The following RFX3 variants were observed in gnomAD, a reference collection of about 807,000 sequenced individuals.
RFX3 encodes transcription factor RFX3.
RFX3 carries 14 observed loss-of-function variants against 98.6 expected under a neutral mutation model. That is an observed-to-expected ratio of 0.14 (90% confidence interval 0.09 to 0.22). The LOEUF (loss-of-function observed/expected upper bound fraction) is 0.22. RFX3 is among the 10% of genes least tolerant of loss of function. RFX3 has a pLI of 1.00. For missense variants in RFX3, 639 were observed against 926.9 expected (o/e 0.69, Z 4.03); for synonymous variants, 383 against 328.4 (o/e 1.17, Z -1.80).
chr9:3,251,410 C>A (rs1324611797), intron 14 of RFX3, among the ~76,000 whole-genome samples: 1 of 151,614 alleles, frequency 6.6e-6, no homozygotes, highest in African/African-American at 2.4e-5. Flanking sequence ...TGTGGTGATG[C>A]CATTATAGTT....
At chr9:3,270,074 G>C (rs1268487064) in intron 11 of RFX3, among the ~76,000 whole-genome samples, 2 of 51,822 alleles carry the variant, frequency 3.9e-5, no homozygotes, top group Non-Finnish European at 9.5e-5. Flanking sequence ...GAAAGAAAGA[G>C]AAAGAAGGAA....
chr9:3,342,902 AAAAT>A (rs1401868497), intron 3 of RFX3, among the ~76,000 whole-genome samples: 5 of 152,240 alleles, frequency 3.3e-5, no homozygotes, highest in Admixed American at 2.0e-4. Flanking sequence ...AAGCAAGGAT[AAAAT>A]AAACAGGGGC....
At chr9:3,470,608 G>T (rs908058723) in intron 1 of RFX3, among the ~76,000 whole-genome samples, 2 of 151,976 alleles carry the variant, frequency 1.3e-5, no homozygotes, top group African/African-American at 4.8e-5. Context: ...ATTACAGGCA[G>T]TGAGCCACCG....
chr9:3,501,964 A>C (rs10814185), intron 1 of RFX3, among the ~76,000 whole-genome samples: 1 of 151,892 alleles, frequency 6.6e-6, no homozygotes, highest in Non-Finnish European at 1.5e-5. Flanking sequence ...ATCAAAAATC[A>C]CTTTCGGCCA....
At chr9:3,409,082 T>C (rs2132137396) in intron 1 of RFX3, among the ~76,000 whole-genome samples, 1 of 152,358 alleles carries the variant, frequency 6.6e-6, no homozygotes, top group Non-Finnish European at 1.5e-5. Context: ...TGAAAGTAAA[T>C]ACTGTTGTAA....
intron 10 of RFX3, 154 bp from the exon 11 acceptor site, chr9:3,270,679 GAGAC>G (rs1292979459): frequency 4.0e-6 from 3 of 752,930 alleles, no homozygotes; most frequent in African/African-American, 3.5e-5. Context: ...TATACCGAGA[GAGAC>G]AGACAGATAT....
Position 3,398,724 on chromosome 9 carries a change from A to G in RFX3, c.-8-3128T>C, listed in dbSNP as rs531607360. On this transcript the variant is annotated intron_variant, in intron 1 of 16. Transcript: ENST00000617270. ...GTTCCAGAGTCTAACTTGTTTGCAC[A>G]TACATTGTATTACAGACTACTCTAC... 2.0e-5 allele frequency among the ~76,000 whole-genome samples: 3 copies of G among 152,256 alleles called. No individual in the cohort carries two copies. In the East Asian group the frequency reaches 5.8e-4, roughly 29 times the overall value.
chr9:3,469,570 A>G (rs1375973536), intron 1 of RFX3, among the ~76,000 whole-genome samples: 1 of 152,194 alleles, frequency 6.6e-6, no homozygotes, highest in East Asian at 1.9e-4. Flanking sequence ...GGTCAATGAT[A>G]AAATATTATT....
At chr9:3,412,039 C>G (rs901213719) in intron 1 of RFX3, among the ~76,000 whole-genome samples, 1 of 152,144 alleles carries the variant, frequency 6.6e-6, no homozygotes, top group Non-Finnish European at 1.5e-5. Flanking sequence ...AAAATAACAG[C>G]TAAGCTATTT....
intron 2 of RFX3, among the ~76,000 whole-genome samples, chr9:3,357,373 G>A (rs1189557870): frequency 1.3e-5 from 2 of 151,652 alleles, no homozygotes; most frequent in Non-Finnish European, 2.9e-5. Context: ...TTCCTTTGAG[G>A]CCTAATTAAA....
At chr9:3,328,651 C>T (rs984154072) in intron 4 of RFX3, among the ~76,000 whole-genome samples, 17 of 151,934 alleles carry the variant, frequency 1.1e-4, no homozygotes, top group African/African-American at 3.6e-4. Context: ...TAACAAATAG[C>T]GAATTAAAAT....
intron 3 of RFX3, chr9:3,344,639 C>T: frequency 1.8e-6 from 1 of 566,830 alleles, no homozygotes; most frequent in South Asian, 2.2e-5. Flanking sequence ...CCACAACAGA[C>T]ACGAAAGCTA....
Position 3,501,840 on chromosome 9 carries a change from A to G in RFX3, c.-9+23907T>C, listed in dbSNP as rs377049897. ...CCAAAGTGCTGGAATTACAGATGTG[A>G]GCCACCGTGCCCTGCCCAAAGAAAT... On this transcript the variant is annotated intron_variant, in intron 1 of 16. Coordinates refer to ENST00000617270, the MANE Select transcript of RFX3 (RefSeq NM_001282116.2). Among the ~76,000 whole-genome samples the G allele has an allele frequency of 2.4e-4, 37 of 151,878 alleles. 1 individual carries two copies. Among genetic ancestry groups the G allele is most frequent in the African/African-American group, 8.4e-4 (35 of 41,484 alleles).
Position 3,228,828 on chromosome 9 carries a change from C to A in RFX3, c.2011+19G>T. ...AATAAATAAAAGTTCTTAAAATGTA[C>A]ATTATTTTCGATTCTTACCTTTATC... On this transcript the variant is annotated intron_variant, in intron 16 of 16. Coordinates refer to ENST00000617270, the MANE Select transcript of RFX3 (RefSeq NM_001282116.2). 6.3e-7 allele frequency: 1 copy of A among 1,596,452 alleles called. No individual in the cohort carries two copies. Among genetic ancestry groups the A allele is most frequent in the Non-Finnish European group, 8.5e-7 (1 of 1,170,820 alleles).
chr9:3,351,622 T>C lies in RFX3; in HGVS notation c.118-4858A>G, dbSNP rs567550685. On this transcript the variant is annotated intron_variant, in intron 2 of 16. Transcript: ENST00000617270. Reference sequence around the variant, plus strand: ...TATATAAATACTCCCTATGAATCAATAAAAAAAGAACTAAAACATGTTAGA... The same window carrying C: ...TATATAAATACTCCCTATGAATCAACAAAAAAAGAACTAAAACATGTTAGA... Among the ~76,000 whole-genome samples, 12 of 151,778 alleles carry C rather than the reference T, an allele frequency of 7.9e-5. No homozygotes were observed. In the East Asian group the frequency reaches 2.3e-3, roughly 29 times the overall value.
intron 1 of RFX3, among the ~76,000 whole-genome samples, chr9:3,503,516 TTGACACCAAACTGAGTATC>T (rs1564182026): frequency 1.3e-5 from 2 of 152,144 alleles, no homozygotes; most frequent in African/African-American, 4.8e-5. Flanking sequence ...TGCTGAATAT[TTGACACCAAACTGAGTATC>T]TGACACCAAA....
chr9:3,392,402 G>A (rs1042451994), intron 2 of RFX3, among the ~76,000 whole-genome samples: 5 of 150,482 alleles, frequency 3.3e-5, no homozygotes, highest in Non-Finnish European at 5.9e-5. Flanking sequence ...ATGATATTAC[G>A]AAAAGGAACA....
At chr9:3,356,963 G>GCACACACACACA (rs199897465) in intron 2 of RFX3, among the ~76,000 whole-genome samples, 4 of 140,846 alleles carry the variant, frequency 2.8e-5, no homozygotes, top group African/African-American at 1.1e-4. Flanking sequence ...ATACACACAT[G>GCACACACACACA]CACACACACG....
At position 3,340,432 on chromosome 9, in the gene RFX3, AC is replaced by A. The variant is rs1833742533; in HGVS notation, c.215+6234del. 2.0e-5 allele frequency among the ~76,000 whole-genome samples: 3 copies of A among 152,242 alleles called. No individual in the cohort carries two copies. The South Asian group carries it at 6.2e-4, about 31-fold the overall frequency. Reference sequence around the variant, plus strand: ...TCTAATAAAACCAAAGAGCTTCTGCACAGCAAAAGAAACTACCATCAGAGTG... The same window carrying A: ...TCTAATAAAACCAAAGAGCTTCTGCAAGCAAAAGAAACTACCATCAGAGTG... On this transcript the variant is annotated intron_variant, in intron 3 of 16. Coordinates refer to ENST00000617270, the MANE Select transcript of RFX3 (RefSeq NM_001282116.2).
Sources: gnomAD v4.1 joint callset for allele counts (sites outside exome capture counted in the v4.1 genomes callset) on GRCh38, gnomAD v4.1.1 for gene constraint, MANE v1.5 for transcripts, NCBI Gene and HGNC (gene_info 2026-07-23, HGNC 2026-07-21) for gene names.